KIAA0825: variants seen among roughly 807,000 people sequenced by gnomAD.
KIAA0825 encodes the protein uncharacterized protein KIAA0825.
Under a neutral mutation model 147.6 loss-of-function variants are expected in KIAA0825, and 119 were observed. That is an observed-to-expected ratio of 0.81 (90% CI 0.69 to 0.94). The LOEUF is 0.94. Among genes scored for constraint, KIAA0825 ranks in the 40% least tolerant of loss-of-function variants. The probability of loss-of-function intolerance (pLI) is 0.00; values close to 1 mark genes in which losing one functional copy is unlikely to be tolerated. For missense variants in KIAA0825, 1,381 were observed against 1,472.7 expected (o/e 0.94, Z 1.02); for synonymous variants, 470 against 518.1 (o/e 0.91, Z 1.26).
At chr5:94,537,342 C>A (rs1212437937) in intron 2 of KIAA0825, among the ~76,000 whole-genome samples, 2 of 152,116 alleles carry the variant, frequency 1.3e-5, no homozygotes, top group African/African-American at 4.8e-5. Flanking sequence ...ACCTAATTTT[C>A]GCACTTCTGT....
intron 20 of KIAA0825, among the ~76,000 whole-genome samples, chr5:94,238,280 A>G (rs914036982): frequency 1.3e-5 from 2 of 152,172 alleles, no homozygotes; most frequent in African/African-American, 4.8e-5. Flanking sequence ...CAACTTTTCT[A>G]TAGGTTTGAA....
intron 1 of KIAA0825, among the ~76,000 whole-genome samples, chr5:94,611,241 T>C (rs1788707428): frequency 6.6e-6 from 1 of 152,190 alleles, no homozygotes; most frequent in Non-Finnish European, 1.5e-5. Flanking sequence ...ACCTAGCCTC[T>C]GGTTCAAGTC....
chr5:94,190,390 A>G (rs1583799095), intron 20 of KIAA0825, among the ~76,000 whole-genome samples: 2 of 151,760 alleles, frequency 1.3e-5, no homozygotes, highest in South Asian at 2.1e-4. Flanking sequence ...CAGTGGCACT[A>G]TCTTGGCTCA....
At chr5:94,308,523 C>A (rs1202774442) in intron 20 of KIAA0825, among the ~76,000 whole-genome samples, 6 of 151,674 alleles carry the variant, frequency 4.0e-5, no homozygotes, top group African/African-American at 1.5e-4. Context: ...TGTATTTATA[C>A]AGAGAAATGT....
chr5:94,366,264 G>A (rs189737066), intron 20 of KIAA0825, among the ~76,000 whole-genome samples: 176 of 152,214 alleles, frequency 1.2e-3, no homozygotes, highest in African/African-American at 4.2e-3. Flanking sequence ...TCTAGGCAGC[G>A]GGTAAAGTGA....
chr5:94,180,106 G>A (rs987846096), intron 20 of KIAA0825, among the ~76,000 whole-genome samples: 2 of 151,932 alleles, frequency 1.3e-5, no homozygotes, highest in Non-Finnish European at 2.9e-5. Flanking sequence ...TAACTTTACA[G>A]TGGAGAATCC....
At chr5:94,249,325 A>G (rs895996026) in intron 20 of KIAA0825, among the ~76,000 whole-genome samples, 10 of 152,122 alleles carry the variant, frequency 6.6e-5, no homozygotes, top group Admixed American at 6.6e-4. Flanking sequence ...TGCCAGCCCT[A>G]TATACCCAGA....
intron 20 of KIAA0825, among the ~76,000 whole-genome samples, chr5:94,344,035 T>C (rs1331117918): frequency 6.6e-5 from 10 of 152,170 alleles, no homozygotes; most frequent in Admixed American, 6.5e-4. Flanking sequence ...AAAACAACTT[T>C]GGAAAATAGC....
At chr5:94,514,828 A>G (rs1343191183) in intron 5 of KIAA0825, among the ~76,000 whole-genome samples, 1 of 152,268 alleles carries the variant, frequency 6.6e-6, no homozygotes, top group East Asian at 1.9e-4. Flanking sequence ...GTTATCTTGA[A>G]TGATCTTTTC....
At chr5:94,439,167 T>C (rs1756754542) in intron 14 of KIAA0825, among the ~76,000 whole-genome samples, 1 of 152,152 alleles carries the variant, frequency 6.6e-6, no homozygotes. Flanking sequence ...GGATCATATT[T>C]GAATGGTGAA....
At position 94,582,524 on chromosome 5, in the gene KIAA0825, ACTGT is replaced by A. The variant is rs2152363977; in HGVS notation, c.-97_-94del. Reference sequence around the variant, plus strand: ...TTCCTGAAGAGTTGTCAGCAGAAGAACTGTCTCTTTTCTAGTAACTTCAGCAACG... The same window carrying A: ...TTCCTGAAGAGTTGTCAGCAGAAGAACTCTTTTCTAGTAACTTCAGCAACG... On this transcript the variant is annotated 5_prime_UTR_variant, in exon 2 of 21. Transcript: ENST00000682413. The A allele has an allele frequency of 6.6e-6, 1 of 152,284 alleles. No homozygotes were observed. Among genetic ancestry groups the A allele is most frequent in the East Asian group, 1.9e-4 (1 of 5,180 alleles). 9.4% of individuals were successfully genotyped at this position (152,284 alleles called of 1,614,324 possible).
chr5:94,260,506 T>C (rs1257442112), intron 20 of KIAA0825, among the ~76,000 whole-genome samples: 1 of 152,200 alleles, frequency 6.6e-6, no homozygotes, highest in Non-Finnish European at 1.5e-5. Flanking sequence ...ATCAGGGAGT[T>C]GTCCAGGTTT....
At chr5:94,592,735 C>T (rs547836904) in intron 1 of KIAA0825, 8 of 306,916 alleles carry the variant, frequency 2.6e-5, no homozygotes, top group South Asian at 7.7e-5. Flanking sequence ...TAGTTACAGA[C>T]GGTTTTGTTT....
chr5:94,201,694 G>A (rs1156275844), intron 20 of KIAA0825, among the ~76,000 whole-genome samples: 1 of 151,180 alleles, frequency 6.6e-6, no homozygotes, highest in East Asian at 1.9e-4. Context: ...GATTACAGAT[G>A]TGGGCTACCA....
At chr5:94,485,434 T>A (rs1484542796) in intron 5 of KIAA0825, among the ~76,000 whole-genome samples, 1 of 151,788 alleles carries the variant, frequency 6.6e-6, no homozygotes, top group Non-Finnish European at 1.5e-5. Flanking sequence ...ATAAAAGACA[T>A]ACTTGGGATA....
intron 5 of KIAA0825, among the ~76,000 whole-genome samples, chr5:94,503,065 CA>C (rs34563969): frequency 0.091 from 12,935 of 142,200 alleles, 1,905 homozygotes; most frequent in African/African-American, 0.32. Flanking sequence ...GACTCCATCT[CA>C]AAAAAAAATA....
chr5:94,562,940 G>A lies in KIAA0825; in HGVS notation c.-2+19493C>T, dbSNP rs539095481. Among the ~76,000 whole-genome samples, 11 of 152,214 alleles carry A rather than the reference G, an allele frequency of 7.2e-5. No homozygotes were observed. In the South Asian group the frequency reaches 1.9e-3, roughly 26 times the overall value. On this transcript the variant is annotated intron_variant, in intron 2 of 20. Transcript: ENST00000682413. The stretch of plus-strand genomic sequence containing the variant: ...TAAATATCTAGAACACATTCTTGAC[G>A]TAATTCTGAAAAGTAACAGCTAATA...
At chr5:94,469,714 C>G (rs1760985295) in intron 10 of KIAA0825, among the ~76,000 whole-genome samples, 1 of 152,146 alleles carries the variant, frequency 6.6e-6, no homozygotes, top group African/African-American at 2.4e-5. Context: ...CTATGCTGCA[C>G]TACAACCTTG....
intron 2 of KIAA0825, among the ~76,000 whole-genome samples, chr5:94,580,631 C>T (rs1584952266): frequency 2.8e-5 from 1 of 35,306 alleles, no homozygotes; most frequent in Non-Finnish European, 5.6e-5. Context: ...AATCCCAGCA[C>T]TTTGGGAGGC....
Sources: allele counts gnomAD v4.1 joint callset (sites outside exome capture counted in the v4.1 genomes callset), GRCh38; gene constraint gnomAD v4.1.1; transcripts MANE v1.5; gene names NCBI Gene and HGNC (gene_info 2026-07-23, HGNC 2026-07-21).